Variants in TEX14 observed in about 807,000 individuals in gnomAD.
TEX14 encodes inactive serine/threonine-protein kinase TEX14.
In TEX14, 168 loss-of-function variants were observed where a neutral mutation model predicts 178.6. That is an observed-to-expected ratio of 0.94 (90% CI 0.83 to 1.07). TEX14 has a LOEUF of 1.07. TEX14 is among the 50% of genes least tolerant of loss of function. TEX14 has a pLI of 0.00. For synonymous variants in TEX14, 626 were observed against 634.1 expected, an observed-to-expected ratio of 0.99 and a Z score of 0.19; for missense variants, 1,730 against 1,753.6, an observed-to-expected ratio of 0.99 and a Z score of 0.24.
chr17:58,686,007 A>T (rs540522802), intron 1 of TEX14, among the ~76,000 whole-genome samples: 1 of 151,332 alleles, frequency 6.6e-6, no homozygotes, highest in South Asian at 2.1e-4. Flanking sequence ...AAAAAAAAAA[A>T]AAAAAAAAAG....
At chr17:58,681,770 A>G (rs1392094316) in intron 1 of TEX14, among the ~76,000 whole-genome samples, 1 of 151,718 alleles carries the variant, frequency 6.6e-6, no homozygotes, top group East Asian at 1.9e-4. Flanking sequence ...TTGAACCTGA[A>G]AGGCAGAGGT....
At chr17:58,684,681 A>AGC (rs1567776501) in intron 1 of TEX14, among the ~76,000 whole-genome samples, 2 of 147,026 alleles carry the variant, frequency 1.4e-5, no homozygotes, top group Non-Finnish European at 3.0e-5. Flanking sequence ...AAATAAATAA[A>AGC]AAGCTTTCTT....
chr17:58,571,485 G>A (rs543732871), intron 24 of TEX14, among the ~76,000 whole-genome samples: 5 of 151,882 alleles, frequency 3.3e-5, no homozygotes, highest in Non-Finnish European at 5.9e-5. Flanking sequence ...TGATCTGCCC[G>A]CCTCGGTCTC....
chr17:58,599,623 C>T lies in TEX14; in HGVS notation c.1722G>A (p.Glu574=), dbSNP rs771241144. ...CTGGGGCCTGAGGATCTAGTGTCCC[C>T]TCAGTGAATAAAGAGTGAACCCTTG... ...HSPRVHSLFT[E]GTLDPQAPDP... The change falls in exon 14 of 32, where the codon GAG becomes GAA. Residue 574 remains glutamate, a synonymous_variant. Coordinates refer to ENST00000349033, the MANE Select transcript of TEX14 (RefSeq NM_031272.5). 1.9e-6 allele frequency: 3 copies of T among 1,613,576 alleles called. No individual in the cohort carries two copies. The East Asian group carries it at 6.7e-5, about 36-fold the overall frequency.
intron 1 of TEX14, among the ~76,000 whole-genome samples, chr17:58,681,323 G>A (rs78806134): frequency 0.022 from 3,312 of 152,144 alleles, 113 homozygotes; most frequent in African/African-American, 0.075. Context: ...TGAGAACATA[G>A]AGGTGTCTTA....
intron 1 of TEX14, among the ~76,000 whole-genome samples, chr17:58,687,033 C>G (rs1267456322): frequency 6.6e-6 from 1 of 151,896 alleles, no homozygotes; most frequent in Non-Finnish European, 1.5e-5. Flanking sequence ...ACCACCACAC[C>G]TGTAGGGAGC....
chr17:58,582,425 A>C (rs1288806078), intron 19 of TEX14, among the ~76,000 whole-genome samples: 2 of 151,614 alleles, frequency 1.3e-5, no homozygotes, highest in Non-Finnish European at 1.5e-5. Flanking sequence ...ATGCCCAGCT[A>C]ATTTTTGTAT....
At chr17:58,611,093 G>T in intron 10 of TEX14, 68 bp downstream of exon 10, 1 of 1,169,688 alleles carries the variant, frequency 8.5e-7, no homozygotes, top group Non-Finnish European at 1.3e-6. Context: ...ATCAGATTCT[G>T]TCTCTATAGG....
intron 15 of TEX14, among the ~76,000 whole-genome samples, chr17:58,592,247 T>G (rs1351016334): frequency 6.6e-6 from 1 of 151,876 alleles, no homozygotes; most frequent in Non-Finnish European, 1.5e-5. Context: ...TTTTTTTTTT[T>G]GAGTCAGAAT....
chr17:58,615,473 C>T (rs2045852554), intron 7 of TEX14, 128 bp from the exon 8 acceptor site: 3 of 659,284 alleles, frequency 4.6e-6, no homozygotes, highest in African/African-American at 1.8e-5. Flanking sequence ...CCACTGGGCA[C>T]TACTGGGTCC....
intron 15 of TEX14, among the ~76,000 whole-genome samples, 197 bp downstream of exon 15, chr17:58,593,358 G>T (rs979936013): frequency 6.6e-6 from 1 of 152,138 alleles, no homozygotes; most frequent in African/African-American, 2.4e-5. Flanking sequence ...CAGCCACTTG[G>T]GCTTTGATGT....
At chr17:58,620,497 A>G (rs929330245) in intron 5 of TEX14, among the ~76,000 whole-genome samples, 1 of 149,022 alleles carries the variant, frequency 6.7e-6, no homozygotes, top group Non-Finnish European at 1.5e-5. Flanking sequence ...CACTCGGCTA[A>G]TATTTTTTTT....
chr17:58,613,520 T>C lies in TEX14; in HGVS notation c.906A>G (p.Leu302=). The change falls in exon 9 of 32, where the codon CTA becomes CTG. Residue 302 remains leucine, a synonymous_variant. Coordinates refer to ENST00000349033, the MANE Select transcript of TEX14 (RefSeq NM_031272.5). The part of the protein sequence containing the change: ...HSSKLRHPYL[L]QLMAVCLSQD... The stretch of plus-strand genomic sequence containing the variant: ...GGGAGAGACACACAGCCATCAACTG[T>C]AGCAAGTAGGGGTGCCGCAGCTTGC... The C allele has an allele frequency of 1.2e-6, 2 of 1,614,088 alleles. No homozygotes were observed. The highest frequency in any genetic ancestry group is 1.7e-6 in the Non-Finnish European group (2 of 1,179,998).
At chr17:58,651,594 A>G (rs943183509) in intron 2 of TEX14, among the ~76,000 whole-genome samples, 1 of 152,208 alleles carries the variant, frequency 6.6e-6, no homozygotes, top group African/African-American at 2.4e-5. Flanking sequence ...GGCAGAATCA[A>G]AGGTGGGTGA....
At chr17:58,579,753 GC>G in intron 19 of TEX14, 22 bp from the exon 20 acceptor site, 1 of 1,597,720 alleles carries the variant, frequency 6.3e-7, no homozygotes, top group East Asian at 2.2e-5. Context: ...CAAAAGAAAA[GC>G]AAAGAAAGGA....
intron 2 of TEX14, among the ~76,000 whole-genome samples, chr17:58,642,362 G>A (rs917139962): frequency 2.0e-5 from 3 of 152,018 alleles, no homozygotes; most frequent in African/African-American, 4.8e-5. Context: ...TTATTCAACC[G>A]CCTCTCCTAA....
intron 1 of TEX14, chr17:58,661,495 G>C: frequency 1.3e-6 from 1 of 781,148 alleles, no homozygotes; most frequent in Non-Finnish European, 2.4e-6. Context: ...TTCGGGAACC[G>C]GTGGGTTCAG....
chr17:58,562,346 A>T (rs1344639952), intron 28 of TEX14, among the ~76,000 whole-genome samples: 1 of 152,156 alleles, frequency 6.6e-6, no homozygotes, highest in African/African-American at 2.4e-5. Flanking sequence ...ATCTGAAAAA[A>T]TGTCTTCCAC....
intron 1 of TEX14, among the ~76,000 whole-genome samples, chr17:58,685,256 A>C (rs2047571286): frequency 1.3e-5 from 2 of 151,906 alleles, no homozygotes; most frequent in Non-Finnish European, 2.9e-5. Context: ...CAACATGGTG[A>C]AACACCGTCT....
Sources: gnomAD v4.1 joint callset for allele counts (sites outside exome capture counted in the v4.1 genomes callset) on GRCh38, gnomAD v4.1.1 for gene constraint, MANE v1.5 for transcripts, NCBI Gene and HGNC (gene_info 2026-07-23, HGNC 2026-07-21) for gene names.